IBA57: variants seen among roughly 807,000 people sequenced by gnomAD.
IBA57 encodes iron-sulfur cluster assembly factor IBA57, also known as iron-sulfur cluster assembly factor IBA57, mitochondrial.
In IBA57, 20 loss-of-function variants were observed where a neutral mutation model predicts 20.4. That is an observed-to-expected ratio of 0.98 (90% confidence interval 0.69 to 1.42). IBA57 has a LOEUF of 1.42. Among genes scored for constraint, IBA57 ranks in the 40% most tolerant of loss-of-function variants. The pLI is 0.00. For synonymous variants in IBA57, 310 were observed against 233.9 expected (o/e 1.33, Z -2.97); for missense variants, 608 against 499.3 (o/e 1.22, Z -2.07).
In IBA57 at chr1:228,170,286, A is replaced by AGCT. The variant is rs1355900509; in HGVS notation, c.341+4134_341+4136dup. On this transcript the variant is annotated intron_variant, in intron 1 of 2. Coordinates refer to ENST00000366711, the MANE Select transcript of IBA57 (RefSeq NM_001010867.4). This position sits in a 1 kb window ranked among gnomAD's most constrained non-coding sequence, Gnocchi z 4.8. ...TCCAAGTTTTGGCAATTATGGATAAAGCTGCTGTAAACATCCATGTGCAGA... is the reference window on the plus strand; with the variant it reads ...TCCAAGTTTTGGCAATTATGGATAAAGCTGCTGCTGTAAACATCCATGTGCAGA... Among the ~76,000 whole-genome samples, 1 of 152,208 alleles carries AGCT rather than the reference A, an allele frequency of 6.6e-6. No homozygotes were observed. The highest frequency in any genetic ancestry group is 1.5e-5 in the Non-Finnish European group (1 of 68,032).
intron 2 of IBA57, 41 bp from the exon 3 acceptor site, chr1:228,175,081 A>C: frequency 6.3e-7 from 1 of 1,589,370 alleles, no homozygotes; most frequent in Non-Finnish European, 8.6e-7. Context: ...GAGCTGGACG[A>C]TGTTCAATTC....
intron 1 of IBA57, among the ~76,000 whole-genome samples, chr1:228,167,322 C>G (rs1350914428): frequency 2.0e-5 from 3 of 151,384 alleles, no homozygotes; most frequent in African/African-American, 4.9e-5. Context: ...CTCTGGGAAC[C>G]CCACCCGTTG....
intron 1 of IBA57, chr1:228,173,520 T>A (rs953188278): frequency 1.3e-5 from 2 of 151,414 alleles, no homozygotes; most frequent in Non-Finnish European, 2.9e-5. Context: ...GGAGTGCAGG[T>A]CAGAATGGCT....
rs981537719 is a variant in IBA57 at position 228,165,867 on chromosome 1, G to T, written c.51G>T (p.Pro17=). The change falls in exon 1 of 3, where the codon CCG becomes CCT. Residue 17 remains proline, a synonymous_variant. Transcript: ENST00000366711. ...GCGCCACTCCGGGGCGCGGCGGCCC[G>T]GTCTGGCGCTGGCGGCTGCGCGCGG... ...LRGATPGRGG[P]VWRWRLRAAP... 2 of 1,318,340 alleles carry T rather than the reference G, an allele frequency of 1.5e-6. No homozygotes were observed. Among genetic ancestry groups the T allele is most frequent in the Non-Finnish European group, 1.9e-6 (2 of 1,040,432 alleles). 81.7% of individuals were successfully genotyped at this position (1,318,340 alleles called of 1,614,324 possible). A position where few individuals can be genotyped will look rare whatever the true frequency, so the allele number is the denominator to read the frequency against.
Position 228,176,178 on chromosome 1 carries a change from G to A in IBA57, c.*665G>A, listed in dbSNP as rs1476925311. ...TCCTCAGAGCCCTCCAGGAGCGTGGGGTGGGGGCCAGCGCAGGGCTCAGGA... is the reference window on the plus strand; with the variant it reads ...TCCTCAGAGCCCTCCAGGAGCGTGGAGTGGGGGCCAGCGCAGGGCTCAGGA... On this transcript the variant is annotated 3_prime_UTR_variant, in exon 3 of 3. Coordinates refer to ENST00000366711, the MANE Select transcript of IBA57 (RefSeq NM_001010867.4). 6.6e-6 allele frequency: 1 copy of A among 152,514 alleles called. No homozygotes were observed. The highest frequency in any genetic ancestry group is 1.5e-5 in the Non-Finnish European group (1 of 68,292). 9.4% of individuals were successfully genotyped at this position (152,514 alleles called of 1,614,324 possible).
rs1258702262 is a variant in IBA57 at position 228,175,542 on chromosome 1, G to T, written c.*29G>T. 1 of 1,529,424 alleles carries T rather than the reference G, an allele frequency of 6.5e-7. No homozygotes were observed. The highest frequency in any genetic ancestry group is 2.3e-5 in the East Asian group (1 of 44,148). The allele number at this position is 1,529,424 out of a possible 1,614,324, so 94.7% of individuals were successfully genotyped here. ...GAAGCCTTGGCTGGCGCAGGCTGAT[G>T]GGGAGGCTGGGGCCTGGGGCCTTTG... On this transcript the variant is annotated 3_prime_UTR_variant, in exon 3 of 3. Transcript: ENST00000366711.
chr1:228,167,098 T>TG lies in IBA57; in HGVS notation c.341+943dup, dbSNP rs559855509. 9.0e-4 allele frequency among the ~76,000 whole-genome samples: 137 copies of TG among 152,352 alleles called. 1 individual carries two copies. The highest frequency in any genetic ancestry group is 3.1e-3 in the African/African-American group (128 of 41,588). On this transcript the variant is annotated intron_variant, in intron 1 of 2. Coordinates refer to ENST00000366711, the MANE Select transcript of IBA57 (RefSeq NM_001010867.4). Reference sequence around the variant, plus strand: ...TCGCTGCCAGCTTTTCTGAGAAGTCTGGTGCCGTTCTTATTTGTATGTGAA... The same window carrying TG: ...TCGCTGCCAGCTTTTCTGAGAAGTCTGGGTGCCGTTCTTATTTGTATGTGAA...
In IBA57 at chr1:228,166,557, G is replaced by T. The variant is rs576449430; in HGVS notation, c.341+400G>T. Among the ~76,000 whole-genome samples the T allele has an allele frequency of 2.0e-5, 3 of 152,032 alleles. No individual in the cohort carries two copies. The East Asian group carries it at 5.8e-4, about 30-fold the overall frequency. On this transcript the variant is annotated intron_variant, in intron 1 of 2. Coordinates refer to ENST00000366711, the MANE Select transcript of IBA57 (RefSeq NM_001010867.4). Reference sequence around the variant, plus strand: ...GCCATCTGGTGACCCTTCTCCCTCCGCAGGGACAAGGGGTTCAGGGGCCCC... The same window carrying T: ...GCCATCTGGTGACCCTTCTCCCTCCTCAGGGACAAGGGGTTCAGGGGCCCC...
Position 228,174,836 on chromosome 1 carries a change from G to A in IBA57, c.486G>A (p.Val162=). The change falls in exon 2 of 3, where the codon GTG becomes GTA. Residue 162 remains valine, a synonymous_variant. Transcript: ENST00000366711. ...EPHPELRVWA[V]LPSSPEACGA... is the part of the protein sequence containing the mutation. ...ACCCGGAGCTGCGAGTGTGGGCGGT[G>A]TTGCCCAGTTCCCCTGAGGCCTGCG... The A allele has an allele frequency of 6.2e-7, 1 of 1,610,466 alleles. No individual in the cohort carries two copies.
rs763087570 is a variant in IBA57, at chr1:228,174,985, G to T, written c.635G>T (p.Arg212Leu). 2 of 1,550,346 alleles carry T rather than the reference G, an allele frequency of 1.3e-6. No homozygotes were observed. Among genetic ancestry groups the T allele is most frequent in the Non-Finnish European group, 1.7e-6 (2 of 1,145,576 alleles). The change falls in exon 2 of 3, where the codon CGG (arginine) becomes CTG (leucine). Residue 212 changes from arginine to leucine, a missense_variant. By Grantham distance (102) the Arg-to-Leu change is moderately radical (BLOSUM62 -2). Coordinates refer to ENST00000366711, the MANE Select transcript of IBA57 (RefSeq NM_001010867.4). ...DEGPALVPGG[R>L]LGDLWDYHQH... The stretch of plus-strand genomic sequence containing the variant: ...GGCCCAGCCCTGGTGCCCGGGGGCC[G>T]GCTCGGGGACTTGTGGGATTATCAC...
In IBA57 at chr1:228,170,255, GTTGC is replaced by G. The variant is rs1010438419; in HGVS notation, c.341+4101_341+4104del. The stretch of plus-strand genomic sequence containing the variant: ...CACTCATCTACTGAGGGACATATTG[GTTGC>G]TTCCAAGTTTTGGCAATTATGGATA... On this transcript the variant is annotated intron_variant, in intron 1 of 2. Transcript: ENST00000366711. This position sits in a 1 kb window ranked among gnomAD's most constrained non-coding sequence, Gnocchi z 4.8. 1.3e-5 allele frequency among the ~76,000 whole-genome samples: 2 copies of G among 152,224 alleles called. No homozygotes were observed. Among genetic ancestry groups the G allele is most frequent in the African/African-American group, 4.8e-5 (2 of 41,452 alleles).
At chr1:228,169,795 G>A (rs541650341) in intron 1 of IBA57, among the ~76,000 whole-genome samples, 1 of 152,280 alleles carries the variant, frequency 6.6e-6, no homozygotes, top group Non-Finnish European at 1.5e-5. Context: ...TGCATCTGTA[G>A]CCTCTTCACA....
At chr1:228,166,200 G>T in intron 1 of IBA57, 43 bp downstream of exon 1, 1 of 1,369,614 alleles carries the variant, frequency 7.3e-7, no homozygotes, top group Non-Finnish European at 9.5e-7. Context: ...GGCACCCAGG[G>T]GAGTGGCCAG....
chr1:228,166,545 C>T (rs2124972160), intron 1 of IBA57, among the ~76,000 whole-genome samples: 1 of 152,158 alleles, frequency 6.6e-6, no homozygotes, highest in South Asian at 2.1e-4. Flanking sequence ...ATCTGGTGAC[C>T]CTTCTCCCTC....
chr1:228,167,339 A>C (rs1295932116), intron 1 of IBA57, among the ~76,000 whole-genome samples: 1 of 145,242 alleles, frequency 6.9e-6, no homozygotes, highest in Non-Finnish European at 1.5e-5. Context: ...GTTGGATTCC[A>C]GGTGGTCTGG....
In IBA57 at chr1:228,170,359, G is replaced by A. The variant is rs1442055121; in HGVS notation, c.341+4202G>A. Among the ~76,000 whole-genome samples the A allele has an allele frequency of 6.6e-6, 1 of 152,102 alleles. No individual in the cohort carries two copies. The highest frequency in any genetic ancestry group is 1.5e-5 in the Non-Finnish European group (1 of 68,026). Reference sequence around the variant, plus strand: ...TTTGTTTTTATTTTTTAGACACAGGGTCTCGCTCCATTGCCCAGGCTGGAG... The same window carrying A: ...TTTGTTTTTATTTTTTAGACACAGGATCTCGCTCCATTGCCCAGGCTGGAG... On this transcript the variant is annotated intron_variant, in intron 1 of 2. Coordinates refer to ENST00000366711, the MANE Select transcript of IBA57 (RefSeq NM_001010867.4). This position sits in a 1 kb window ranked among gnomAD's most constrained non-coding sequence, Gnocchi z 4.8.
In IBA57 at chr1:228,176,505, C is replaced by G. The variant is rs999033417; in HGVS notation, c.*992C>G. ...GAACGCCCAGACCTACCAGATGAAGCACTTGGCATGGCTGCAGGCCAGCAG... is the reference window on the plus strand; with the variant it reads ...GAACGCCCAGACCTACCAGATGAAGGACTTGGCATGGCTGCAGGCCAGCAG... On this transcript the variant is annotated 3_prime_UTR_variant, in exon 3 of 3. Transcript: ENST00000366711. The G allele has an allele frequency of 6.6e-6, 1 of 152,470 alleles. No individual in the cohort carries two copies. Among genetic ancestry groups the G allele is most frequent in the Non-Finnish European group, 1.5e-5 (1 of 68,208 alleles). The allele number at this position is 152,470 out of a possible 1,614,324, so 9.4% of individuals were successfully genotyped here. A position where few individuals can be genotyped will look rare whatever the true frequency, so the allele number is the denominator to read the frequency against.
In IBA57 at chr1:228,178,839, G is replaced by A. The variant is rs563156024; in HGVS notation, c.*3326G>A. On this transcript the variant is annotated 3_prime_UTR_variant, in exon 3 of 3. Coordinates refer to ENST00000366711, the MANE Select transcript of IBA57 (RefSeq NM_001010867.4). ...AGAGGAGAGGCAGGAGCCTGGGAGA[G>A]CCTCTGCTAGACCTTTCCTGGCACT... 6.6e-6 allele frequency: 1 copy of A among 152,340 alleles called. No homozygotes were observed. The highest frequency in any genetic ancestry group is 1.9e-4 in the East Asian group (1 of 5,166). 9.4% of individuals were successfully genotyped at this position (152,340 alleles called of 1,614,324 possible).
chr1:228,176,199 C>G lies in IBA57; in HGVS notation c.*686C>G, dbSNP rs1470332422. The G allele has an allele frequency of 6.6e-6, 1 of 152,394 alleles. No individual in the cohort carries two copies. The highest frequency in any genetic ancestry group is 1.5e-5 in the Non-Finnish European group (1 of 68,220). The allele number at this position is 152,394 out of a possible 1,614,324, so 9.4% of individuals were successfully genotyped here. On this transcript the variant is annotated 3_prime_UTR_variant, in exon 3 of 3. Transcript: ENST00000366711. ...GTGGGGTGGGGGCCAGCGCAGGGCT[C>G]AGGAGCCAGCAGGGCAGAGTTCTGC...
Sources: gnomAD v4.1 joint callset for allele counts (sites outside exome capture counted in the v4.1 genomes callset) on GRCh38, gnomAD v4.1.1 for gene constraint, Gnocchi (gnomAD v3.1) non-coding constraint, MANE v1.5 for transcripts, NCBI Gene and HGNC (gene_info 2026-07-23, HGNC 2026-07-21) for gene names.